SHFL: variants seen among roughly 807,000 people sequenced by gnomAD.
SHFL encodes shiftless antiviral inhibitor of ribosomal frameshifting.
Under a neutral mutation model 34.7 loss-of-function variants are expected in SHFL, and 12 were observed. The observed-to-expected ratio is 0.35, with a 90% CI of 0.22 to 0.56. The LOEUF is 0.56. Ranked by LOEUF, SHFL falls within the 20% of genes least tolerant of loss-of-function variation. The pLI is 0.88. For missense variants in SHFL, 278 were observed against 411.1 expected (o/e 0.68, Z 2.80); for synonymous variants, 148 against 156.0 (o/e 0.95, Z 0.38).
intron 3 of SHFL, 56 bp from the exon 4 acceptor site, chr19:10,089,601 G>C: frequency 6.4e-7 from 1 of 1,559,612 alleles, no homozygotes; most frequent in Non-Finnish European, 8.7e-7. Context: ...CCAGCAAACG[G>C]GTGGAAAGAG....
rs1283544300 is a variant in SHFL, at chr19:10,091,018, C to G, written c.385-232C>G. 1.3e-5 allele frequency among the ~76,000 whole-genome samples: 2 copies of G among 152,168 alleles called. No individual in the cohort carries two copies. The highest frequency in any genetic ancestry group is 2.9e-5 in the Non-Finnish European group (2 of 68,034). The stretch of plus-strand genomic sequence containing the variant: ...TAGTTCACTTCTGGTCAATGCTTAA[C>G]TAGTTCTTGCAAAAGAGGCAGGAAG... On this transcript the variant is annotated intron_variant, in intron 5 of 7. Transcript: ENST00000253110. This position sits in a 1 kb window ranked among gnomAD's most constrained non-coding sequence, Gnocchi z 8.2.
chr19:10,091,960 T>A lies in SHFL; in HGVS notation c.644-110T>A, dbSNP rs2145160369. 1.5e-6 allele frequency: 2 copies of A among 1,324,652 alleles called. No homozygotes were observed. Among genetic ancestry groups the A allele is most frequent in the Non-Finnish European group, 2.1e-6 (2 of 954,560 alleles). 82.1% of individuals were successfully genotyped at this position (1,324,652 alleles called of 1,614,324 possible). On this transcript the variant is annotated intron_variant, in intron 7 of 7. Transcript: ENST00000253110. This position sits in a 1 kb window ranked among gnomAD's most constrained non-coding sequence, Gnocchi z 8.2. The stretch of plus-strand genomic sequence containing the variant: ...GAATGTCCAGTTGTGCTGGTCCCCG[T>A]ATCTGGTGGTCTCAGCTCCTCCCTA...
chr19:10,090,843 GGCT>G (rs1271491561), intron 5 of SHFL, among the ~76,000 whole-genome samples: 3 of 151,796 alleles, frequency 2.0e-5, no homozygotes, highest in East Asian at 3.9e-4. Flanking sequence ...GGGAGGTCGA[GGCT>G]GCAGTAAGCC....
At position 10,092,830 on chromosome 19, in the gene SHFL, C is replaced by G; in HGVS notation, c.*528C>G. On this transcript the variant is annotated 3_prime_UTR_variant, in exon 8 of 8. Transcript: ENST00000253110. ...CCTCTCACCAGAATAAAAGCCTCTA[C>G]CTGCACCTCACAGTGCAAGGCTTTT... 2.0e-6 allele frequency: 3 copies of G among 1,465,632 alleles called. No individual in the cohort carries two copies. The highest frequency in any genetic ancestry group is 2.8e-6 in the Non-Finnish European group (3 of 1,087,298). 90.8% of individuals were successfully genotyped at this position (1,465,632 alleles called of 1,614,324 possible). A position where few individuals can be genotyped will look rare whatever the true frequency, so the allele number is the denominator to read the frequency against.
chr19:10,089,579 C>T (rs2088345896), intron 3 of SHFL, 78 bp from the exon 4 acceptor site: 4 of 1,531,874 alleles, frequency 2.6e-6, no homozygotes, highest in South Asian at 1.2e-5. Context: ...TCATTGCGGC[C>T]GGGGGCCTCC....
chr19:10,089,247 A>G, intron 3 of SHFL: 1 of 1,535,154 alleles, frequency 6.5e-7, no homozygotes, highest in African/African-American at 1.4e-5. Flanking sequence ...GGCTTGCCCA[A>G]GTCCCCACAG....
intron 2 of SHFL, 95 bp downstream of exon 2, chr19:10,087,147 C>T (rs1468999353): frequency 4.4e-6 from 7 of 1,586,126 alleles, no homozygotes; most frequent in Non-Finnish European, 6.0e-6. Flanking sequence ...TCACCTCCCC[C>T]GGAGGTCCCA....
intron 3 of SHFL, among the ~76,000 whole-genome samples, chr19:10,088,607 CAT>C (rs1330076677): frequency 6.6e-6 from 1 of 151,640 alleles, no homozygotes; most frequent in East Asian, 1.9e-4. Context: ...TATAACAAAA[CAT>C]GTATCATAGT....
chr19:10,087,372 C>T, intron 3 of SHFL, 72 bp downstream of exon 3: 1 of 1,524,418 alleles, frequency 6.6e-7, no homozygotes, highest in Non-Finnish European at 9.1e-7. Context: ...CCGACCCGTT[C>T]ATGGTGACTG....
At position 10,089,007 on chromosome 19, in the gene SHFL, C is replaced by T. The variant is rs561270551; in HGVS notation, c.196-650C>T. On this transcript the variant is annotated intron_variant, in intron 3 of 7. Transcript: ENST00000253110. ...TAATAATAATATTAGCAGAGAGTAG[C>T]ATTCATTGAGTACTTCCCACATGGC... 55 of 273,904 alleles carry T rather than the reference C, an allele frequency of 2.0e-4. No homozygotes were observed. In the East Asian group the frequency reaches 6.0e-3, roughly 30 times the overall value. The allele number at this position is 273,904 out of a possible 1,614,324, so 17.0% of individuals were successfully genotyped here.
rs751117105 is a variant in SHFL at position 10,086,895 on chromosome 19, TTCCCCC to T, written c.22-33_22-28del. On this transcript the variant is annotated intron_variant, in intron 1 of 7. Coordinates refer to ENST00000253110, the MANE Select transcript of SHFL (RefSeq NM_018381.4). The surrounding 1 kb of genome is among the most constrained non-coding windows in gnomAD (Gnocchi z 5.2). ...GGGGGAGGGATGATCCCGTTTCCCC[TTCCCCC>T]ACCGGAACCCCCCTGTCTCCATCCC... 1 of 1,610,648 alleles carries T rather than the reference TTCCCCC, an allele frequency of 6.2e-7. No individual in the cohort carries two copies. The highest frequency in any genetic ancestry group is 1.1e-5 in the South Asian group (1 of 90,662).
rs967510650 is a variant in SHFL, at chr19:10,093,217, G to C, written c.*915G>C. 1 of 1,249,198 alleles carries C rather than the reference G, an allele frequency of 8.0e-7. No homozygotes were observed. The highest frequency in any genetic ancestry group is 1.1e-6 in the Non-Finnish European group (1 of 898,856). 77.4% of individuals were successfully genotyped at this position (1,249,198 alleles called of 1,614,324 possible). On this transcript the variant is annotated 3_prime_UTR_variant, in exon 8 of 8. Transcript: ENST00000253110. The stretch of plus-strand genomic sequence containing the variant: ...TAAAAGTCCTGACCTTTGTTCTCTT[G>C]ACGGAATAAAAGCTTGCTTATCCTT...
chr19:10,090,111 C>T (rs1391305519), intron 5 of SHFL, 64 bp downstream of exon 5: 2 of 1,519,638 alleles, frequency 1.3e-6, no homozygotes, highest in Admixed American at 3.9e-5. Flanking sequence ...CTCCTATCCT[C>T]AGTGACTGTA....
chr19:10,089,342 ACAACAT>A (rs768559479), intron 3 of SHFL: 1 of 1,598,512 alleles, frequency 6.3e-7, no homozygotes, highest in Non-Finnish European at 8.5e-7. Context: ...GCGATATGTC[ACAACAT>A]CAACAAGCAT....
At position 10,091,356 on chromosome 19, in the gene SHFL, G is replaced by A; in HGVS notation, c.488+3G>A. The A allele has an allele frequency of 6.2e-7, 1 of 1,612,852 alleles. No homozygotes were observed. The highest frequency in any genetic ancestry group is 8.5e-7 in the Non-Finnish European group (1 of 1,179,440). On this transcript the variant is annotated splice_donor_region_variant and intron_variant, in intron 6 of 7. Coordinates refer to ENST00000253110, the MANE Select transcript of SHFL (RefSeq NM_018381.4). This position sits in a 1 kb window ranked among gnomAD's most constrained non-coding sequence, Gnocchi z 8.2. Reference sequence around the variant, plus strand: ...CCGAAGTGTCGGCACAACTTCCGGTGAGGGCGCTGACCCCCAGCTCCCCCT... The same window carrying A: ...CCGAAGTGTCGGCACAACTTCCGGTAAGGGCGCTGACCCCCAGCTCCCCCT...
rs773398219 is a variant in SHFL at position 10,087,297 on chromosome 19, C to T, written c.192C>T (p.Ala64=). 5.3e-5 allele frequency: 86 copies of T among 1,613,880 alleles called. No individual in the cohort carries two copies. The highest frequency in any genetic ancestry group is 6.9e-5 in the Non-Finnish European group (81 of 1,179,902). Residue 64 remains alanine (A), a synonymous_variant, in exon 3 of 8, where the codon GCC becomes GCT. Transcript: ENST00000253110. The part of the protein sequence containing the change: ...DGQELSNDLD[A]QDPPEDMKQD... Reference sequence around the variant, plus strand: ...AAGAACTAAGTAACGATCTGGATGCCCAGGTAACCTATCCCCTCCCCTCGC... The same window carrying T: ...AAGAACTAAGTAACGATCTGGATGCTCAGGTAACCTATCCCCTCCCCTCGC...
Position 10,091,273 on chromosome 19 carries a change from G to C in SHFL, c.408G>C (p.Arg136=). ...AGGTATCCCGGTGCCGGAAATGCCG[G>C]AAGCGCTACGAGCCAGTGCCAGCTG... ...RKEVSRCRKC[R]KRYEPVPADK... is the part of the protein sequence containing the mutation. Residue 136 remains arginine, a synonymous_variant, in exon 6 of 8, where the codon CGG becomes CGC. Coordinates refer to ENST00000253110, the MANE Select transcript of SHFL (RefSeq NM_018381.4). This position sits in a 1 kb window ranked among gnomAD's most constrained non-coding sequence, Gnocchi z 8.2. 6.2e-7 allele frequency: 1 copy of C among 1,613,834 alleles called. No individual in the cohort carries two copies.
rs1217622136 is a variant in SHFL at position 10,093,184 on chromosome 19, C to T, written c.*882C>T. The T allele has an allele frequency of 1.1e-6, 1 of 944,358 alleles. No homozygotes were observed. Among genetic ancestry groups the T allele is most frequent in the Non-Finnish European group, 1.6e-6 (1 of 632,724 alleles). 58.5% of individuals were successfully genotyped at this position (944,358 alleles called of 1,614,324 possible). On this transcript the variant is annotated 3_prime_UTR_variant, in exon 8 of 8. Coordinates refer to ENST00000253110, the MANE Select transcript of SHFL (RefSeq NM_018381.4). ...AAGGAATCTGGACTCCCCATCCCCCCACCAGGATAAAAGTCCTGACCTTTG... is the reference window on the plus strand; with the variant it reads ...AAGGAATCTGGACTCCCCATCCCCCTACCAGGATAAAAGTCCTGACCTTTG...
At position 10,091,994 on chromosome 19, in the gene SHFL, C is replaced by A. The variant is rs998260923; in HGVS notation, c.644-76C>A. 1.9e-6 allele frequency: 3 copies of A among 1,581,962 alleles called. No homozygotes were observed. The highest frequency in any genetic ancestry group is 2.6e-6 in the Non-Finnish European group (3 of 1,160,106). ...GTCTCAGCTCCTCCCTAGAGCCCCG[C>A]GTGGCCTAAGTCCCCTCCTCCCCAG... On this transcript the variant is annotated intron_variant, in intron 7 of 7. Transcript: ENST00000253110. This position sits in a 1 kb window ranked among gnomAD's most constrained non-coding sequence, Gnocchi z 8.2.
Sources: allele counts gnomAD v4.1 joint callset (sites outside exome capture counted in the v4.1 genomes callset), GRCh38; gene constraint gnomAD v4.1.1; non-coding constraint Gnocchi (gnomAD v3.1); transcripts MANE v1.5; gene names NCBI Gene and HGNC (gene_info 2026-07-23, HGNC 2026-07-21).